Variants in PTK2 observed in about 807,000 individuals in gnomAD.
PTK2 encodes the protein focal adhesion kinase 1.
PTK2 carries 45 observed loss-of-function variants against 150.1 expected under a neutral mutation model. The ratio of observed to expected loss-of-function variants is 0.30; its 90% CI spans 0.24 to 0.38. The LOEUF is 0.38. PTK2 is among the 10% of genes least tolerant of loss of function. PTK2 has a pLI of 1.00. For missense variants in PTK2, 919 were observed against 1,307.3 expected (o/e 0.70, Z 4.58); for synonymous variants, 432 against 449.2 (o/e 0.96, Z 0.48).
intron 7 of PTK2, 70 bp from the exon 8 acceptor site, chr8:140,830,596 A>T (rs2100114801): frequency 2.3e-6 from 2 of 865,572 alleles, no homozygotes. Flanking sequence ...ACTTGCAAGA[A>T]CATAAAAGCA....
At chr8:140,916,964 A>G (rs977585443) in intron 2 of PTK2, among the ~76,000 whole-genome samples, 18 of 152,166 alleles carry the variant, frequency 1.2e-4, no homozygotes, top group African/African-American at 3.6e-4. Flanking sequence ...ATGGAATAAC[A>G]TGTATGTTTT....
At chr8:140,879,352 C>T in intron 4 of PTK2, 119 bp downstream of exon 4, 1 of 1,055,572 alleles carries the variant, frequency 9.5e-7, no homozygotes. Context: ...TTTATTTATA[C>T]CAGAGTTGTA....
intron 2 of PTK2, among the ~76,000 whole-genome samples, chr8:140,913,943 C>T (rs1374869510): frequency 6.6e-6 from 1 of 152,090 alleles, no homozygotes; most frequent in Non-Finnish European, 1.5e-5. Flanking sequence ...GGAAAATCAA[C>T]CAAAGGTATC....
At chr8:140,705,680 T>G (rs563800429) in intron 24 of PTK2, among the ~76,000 whole-genome samples, 21 of 152,370 alleles carry the variant, frequency 1.4e-4, no homozygotes, top group Middle Eastern at 3.4e-3. Context: ...GAAGGATAAT[T>G]TTTTCTAATT....
At chr8:140,807,454 T>C (rs1192760080) in intron 10 of PTK2, among the ~76,000 whole-genome samples, 1 of 152,056 alleles carries the variant, frequency 6.6e-6, no homozygotes, top group African/African-American at 2.4e-5. Context: ...ATAAGCAAAC[T>C]GACTAAGGTA....
chr8:140,720,068 G>A (rs1426177448), intron 22 of PTK2, among the ~76,000 whole-genome samples: 1 of 152,086 alleles, frequency 6.6e-6, no homozygotes, highest in Non-Finnish European at 1.5e-5. Context: ...GGTGGTTTGG[G>A]AGGAAGAGTC....
At chr8:140,719,054 T>C (rs2100041340) in intron 22 of PTK2, among the ~76,000 whole-genome samples, 2 of 152,048 alleles carry the variant, frequency 1.3e-5, no homozygotes, top group Non-Finnish European at 2.9e-5. Context: ...CGCGTGCCTG[T>C]AGTTCCAGCT....
intron 2 of PTK2, among the ~76,000 whole-genome samples, chr8:140,919,685 T>C (rs887405079): frequency 3.3e-5 from 5 of 152,200 alleles, no homozygotes; most frequent in African/African-American, 1.2e-4. Context: ...ATACTATACA[T>C]TTCTGATGCT....
intron 26 of PTK2, among the ~76,000 whole-genome samples, chr8:140,699,596 C>G (rs1031884694): frequency 6.6e-6 from 1 of 152,186 alleles, no homozygotes; most frequent in Non-Finnish European, 1.5e-5. Context: ...GAAGGCAAAT[C>G]TTAGCTGTCT....
intron 1 of PTK2, among the ~76,000 whole-genome samples, chr8:140,972,081 C>G (rs2100187490): frequency 6.6e-6 from 1 of 152,082 alleles, no homozygotes; most frequent in Admixed American, 6.6e-5. Flanking sequence ...TATGTAAAAT[C>G]TCCTTGCAGA....
At chr8:140,691,389 G>C (rs775640943) in intron 26 of PTK2, among the ~76,000 whole-genome samples, 6 of 152,168 alleles carry the variant, frequency 3.9e-5, no homozygotes, top group Non-Finnish European at 8.8e-5. Context: ...ATATGTGATA[G>C]CATTTCTCTC....
chr8:140,982,664 GA>G (rs1353028937), intron 1 of PTK2, among the ~76,000 whole-genome samples: 1 of 152,116 alleles, frequency 6.6e-6, no homozygotes, highest in African/African-American at 2.4e-5. Flanking sequence ...AAGAACCTTA[GA>G]AAAGCAGCAG....
chr8:140,997,728 C>T (rs2100198341), intron 1 of PTK2, among the ~76,000 whole-genome samples: 1 of 152,176 alleles, frequency 6.6e-6, no homozygotes, highest in Admixed American at 6.5e-5. Context: ...CACTTGAGCC[C>T]AGGAGTTCAC....
intron 20 of PTK2, among the ~76,000 whole-genome samples, chr8:140,742,665 ATG>A (rs1252716385): frequency 6.6e-6 from 1 of 152,194 alleles, no homozygotes; most frequent in Non-Finnish European, 1.5e-5. Flanking sequence ...CTTCAATGAA[ATG>A]TCTCTTCCTA....
At chr8:140,992,950 C>T (rs1299494980) in intron 1 of PTK2, among the ~76,000 whole-genome samples, 1 of 152,146 alleles carries the variant, frequency 6.6e-6, no homozygotes, top group African/African-American at 2.4e-5. Flanking sequence ...TGTAAAGCAT[C>T]CAATTAATCC....
chr8:140,852,830 C>A (rs935807160), intron 5 of PTK2, among the ~76,000 whole-genome samples: 2 of 152,192 alleles, frequency 1.3e-5, no homozygotes, highest in East Asian at 3.8e-4. Flanking sequence ...AGCGGCAGGT[C>A]TGGGATGCTC....
rs984372687 is a variant in PTK2, at chr8:140,896,297, T to G, written c.-32-5528A>C. On this transcript the variant is annotated intron_variant, in intron 2 of 31. Coordinates refer to ENST00000522684, the Ensembl canonical transcript of PTK2. ...GATACAGATCATTTCCCAACTTGTT[T>G]TATGACACCTGCAGAACAGTGATAT... Among the ~76,000 whole-genome samples, 17 of 152,302 alleles carry G rather than the reference T, an allele frequency of 1.1e-4. 2 individuals are homozygous for G. Among genetic ancestry groups the G allele is most frequent in the Admixed American group, 9.8e-4 (15 of 15,292 alleles).
chr8:140,906,722 G>A (rs1399572641), intron 2 of PTK2, among the ~76,000 whole-genome samples: 1 of 152,006 alleles, frequency 6.6e-6, no homozygotes, highest in Non-Finnish European at 1.5e-5. Context: ...ATAGTTAGAA[G>A]GAATAAGTTC....
chr8:140,658,519 C>A (rs2075365636), exon 32 of PTK2: 2 of 193,594 alleles, frequency 1.0e-5, no homozygotes, highest in Admixed American at 6.1e-5. Context: ...TCAAAATTAA[C>A]AGAATGGATG....
Sources: allele counts gnomAD v4.1 joint callset (sites outside exome capture counted in the v4.1 genomes callset), GRCh38; gene constraint gnomAD v4.1.1; transcripts MANE v1.5; gene names NCBI Gene and HGNC (gene_info 2026-07-23, HGNC 2026-07-21).